Variants in CFAP47 observed in about 807,000 individuals in gnomAD.
The protein encoded by CFAP47 is cilia and flagella associated protein 47.
A neutral mutation model predicts 148.1 loss-of-function variants in CFAP47; 29 were observed. That is an observed-to-expected ratio of 0.20 (90% CI 0.15 to 0.27). The LOEUF (loss-of-function observed/expected upper bound fraction) is 0.27. CFAP47 is among the 10% of genes least tolerant of loss of function. The pLI, the probability that CFAP47 is intolerant of heterozygous loss-of-function variation, is 1.00. For synonymous variants in CFAP47, 664 were observed against 577.3 expected (o/e 1.15, Z -2.15); for missense variants, 1,872 against 1,697.5 (o/e 1.10, Z -1.81).
Position 36,073,309 on chromosome X carries a change from C to G in CFAP47, c.4636C>G (p.Leu1546Val), listed in dbSNP as rs1937790657. 8.3e-7 allele frequency: 1 copy of G among 1,208,325 alleles called. No homozygotes were observed. Among genetic ancestry groups the G allele is most frequent in the Non-Finnish European group, 1.1e-6 (1 of 894,275 alleles). Reference protein sequence around the residue: ...VVNAAQTWFSLFGWPEGPHSF... With the variant: ...VVNAAQTWFSVFGWPEGPHSF... Reference sequence around the variant, plus strand: ...AAATGCAGCACAGACCTGGTTCAGTCTCTTTGGCTGGCCTGAAGGACCCCA... The same window carrying G: ...AAATGCAGCACAGACCTGGTTCAGTGTCTTTGGCTGGCCTGAAGGACCCCA... The change falls in exon 29 of 64, where the codon CTC becomes GTC. Residue 1546 changes from leucine (L) to valine (V), a missense_variant. Leu to Val is a conservative substitution (Grantham distance 32). Transcript: ENST00000378653.
At chrX:36,138,218 T>C (rs1939077884) in intron 34 of CFAP47, 130 bp from the exon 35 acceptor site, 1 of 748,735 alleles carries the variant, frequency 1.3e-6, no homozygotes, top group Admixed American at 5.3e-5. Context: ...TATTCTTGCA[T>C]TTTGATTGCA....
chrX:36,162,361 T>C (rs1939440976), intron 39 of CFAP47, among the ~76,000 whole-genome samples: 1 of 111,511 alleles, frequency 9.0e-6, no homozygotes, highest in East Asian at 2.8e-4. Flanking sequence ...AAGAGTCATA[T>C]ATTATGTTTG....
At chrX:36,128,000 C>T (rs753053341) in intron 33 of CFAP47, among the ~76,000 whole-genome samples, 3 of 110,777 alleles carry the variant, frequency 2.7e-5, no homozygotes, top group East Asian at 5.7e-4. Flanking sequence ...TGGGCCGAGA[C>T]GATGGGGTTT....
intron 49 of CFAP47, among the ~76,000 whole-genome samples, chrX:36,261,781 C>T (rs1408838627): frequency 1.8e-5 from 2 of 111,605 alleles, no homozygotes; most frequent in Non-Finnish European, 3.8e-5. Context: ...ACCTTTCCCC[C>T]TTTTCTATTC....
chrX:36,085,507 T>A lies in CFAP47; in HGVS notation c.4885T>A (p.Leu1629Met). 8.3e-7 allele frequency: 1 copy of A among 1,198,398 alleles called. No homozygotes were observed. The highest frequency in any genetic ancestry group is 1.8e-5 in the South Asian group (1 of 56,617). Reference sequence around the variant, plus strand: ...TGAAAAAAGGGTAATTCAACTCCATTTGCAACATTCCTCACTTCTGGACTT... The same window carrying A: ...TGAAAAAAGGGTAATTCAACTCCATATGCAACATTCCTCACTTCTGGACTT... ...NHEKRVIQLH[L>M]QHSSLLDFLN... The change falls in exon 30 of 64, where the codon TTG (leucine) becomes ATG (methionine). Residue 1629 changes from leucine (L) to methionine (M), a missense_variant. Transcript: ENST00000378653.
At chrX:36,342,945 A>G (rs1941666186) in intron 57 of CFAP47, among the ~76,000 whole-genome samples, 1 of 110,829 alleles carries the variant, frequency 9.0e-6, no homozygotes, top group South Asian at 3.9e-4. Flanking sequence ...TATTTGTCCT[A>G]ATGATCTCCC....
intron 37 of CFAP47, among the ~76,000 whole-genome samples, chrX:36,158,667 A>G (rs1279587315): frequency 2.7e-5 from 3 of 111,980 alleles, no homozygotes; most frequent in African/African-American, 9.7e-5. Flanking sequence ...ACAGTCTCTC[A>G]GGGGAGATTA....
chrX:36,180,768 G>A (rs187649306), intron 40 of CFAP47, among the ~76,000 whole-genome samples: 24 of 111,707 alleles, frequency 2.1e-4, no homozygotes, highest in Non-Finnish European at 4.5e-4. Context: ...TTTATTGAAC[G>A]CCAATGTCAT....
intron 40 of CFAP47, among the ~76,000 whole-genome samples, chrX:36,180,299 C>G (rs1406574264): frequency 9.0e-6 from 1 of 111,712 alleles, no homozygotes; most frequent in African/African-American, 3.2e-5. Flanking sequence ...ACTATAGAAT[C>G]ACTATATAAA....
At chrX:36,377,310 G>A (rs1316293041) in intron 62 of CFAP47, among the ~76,000 whole-genome samples, 3 of 111,225 alleles carry the variant, frequency 2.7e-5, no homozygotes, top group African/African-American at 6.6e-5. Flanking sequence ...TTTGATAATC[G>A]CCATTCTAAC....
chrX:35,960,698 GT>G lies in CFAP47; in HGVS notation c.1410+4506del, dbSNP rs974244755. ...ATTGCTAGTGCATATAAGTGCATTTGTTTTCTGCATATTGACCTTGTATTCT... is the reference window on the plus strand; with the variant it reads ...ATTGCTAGTGCATATAAGTGCATTTGTTTCTGCATATTGACCTTGTATTCT... On this transcript the variant is annotated intron_variant, in intron 8 of 63. Coordinates refer to ENST00000378653, the MANE Select transcript of CFAP47 (RefSeq NM_001304548.2). Among the ~76,000 whole-genome samples, 3 of 111,415 alleles carry G rather than the reference GT, an allele frequency of 2.7e-5. No individual in the cohort carries two copies. In the Admixed American group the frequency reaches 2.9e-4, roughly 11 times the overall value.
At chrX:35,947,857 A>G (rs1002465392) in intron 3 of CFAP47, among the ~76,000 whole-genome samples, 20 of 111,700 alleles carry the variant, frequency 1.8e-4, no homozygotes, top group Admixed American at 4.8e-4. Context: ...CTCTTAACAT[A>G]AGTGTCTGAA....
intron 32 of CFAP47, among the ~76,000 whole-genome samples, chrX:36,103,288 T>A (rs1938405615): frequency 9.3e-6 from 1 of 107,534 alleles, no homozygotes; most frequent in African/African-American, 3.4e-5. Flanking sequence ...TTCAATCAGG[T>A]TTCGCTGTGG....
At chrX:36,245,398 A>G (rs782022514) in intron 48 of CFAP47, among the ~76,000 whole-genome samples, 12 of 111,953 alleles carry the variant, frequency 1.1e-4, no homozygotes, top group Non-Finnish European at 2.3e-4. Flanking sequence ...AACTTAAACT[A>G]TGTCTTTTTG....
At chrX:36,263,311 T>A (rs1940851795) in intron 49 of CFAP47, among the ~76,000 whole-genome samples, 1 of 112,294 alleles carries the variant, frequency 8.9e-6, no homozygotes, top group African/African-American at 3.2e-5. Context: ...CTCCTGCTGC[T>A]TTTAGGATCC....
intron 49 of CFAP47, among the ~76,000 whole-genome samples, chrX:36,275,228 C>T (rs976062288): frequency 3.7e-5 from 4 of 109,583 alleles, no homozygotes; most frequent in African/African-American, 1.3e-4. Flanking sequence ...CGGGTGCCAC[C>T]ACACCAGGCT....
At chrX:35,924,211 G>T (rs1013007351) in intron 1 of CFAP47, among the ~76,000 whole-genome samples, 1 of 104,263 alleles carries the variant, frequency 9.6e-6, no homozygotes, top group Middle Eastern at 4.5e-3. Context: ...GGACATGTAT[G>T]TGTGCATGTA....
intron 8 of CFAP47, among the ~76,000 whole-genome samples, chrX:35,957,188 A>G (rs1159525906): frequency 2.1e-5 from 2 of 96,939 alleles, no homozygotes; most frequent in East Asian, 6.6e-4. Flanking sequence ...CAGCCTGGTG[A>G]CAGAGTGAGA....
chrX:35,975,765 G>A lies in CFAP47; in HGVS notation c.2565G>A (p.Glu855=), dbSNP rs199848706. 8.3e-7 allele frequency: 1 copy of A among 1,208,546 alleles called. No individual in the cohort carries two copies. The highest frequency in any genetic ancestry group is 3.0e-5 in the East Asian group (1 of 33,719). ...QPVTLELSSN[E]LVLRPRGFFM... ...TAACACTTGAGCTATCTTCTAATGA[G>A]CTAGTATTGAGACCACGAGGCTTCT... The change falls in exon 15 of 64, where the codon GAG becomes GAA. Residue 855 remains glutamate (E), a synonymous_variant. Coordinates refer to ENST00000378653, the MANE Select transcript of CFAP47 (RefSeq NM_001304548.2).
Sources: allele counts gnomAD v4.1 joint callset (sites outside exome capture counted in the v4.1 genomes callset), GRCh38; gene constraint gnomAD v4.1.1; transcripts MANE v1.5; gene names NCBI Gene and HGNC (gene_info 2026-07-23, HGNC 2026-07-21).